The following PEAK1 variants were observed in gnomAD, a reference collection of about 807,000 sequenced individuals.
The protein encoded by PEAK1 is inactive tyrosine-protein kinase PEAK1.
A neutral mutation model predicts 124.7 loss-of-function variants in PEAK1; 54 were observed. The observed-to-expected ratio is 0.43, with a 90% CI of 0.35 to 0.54. The LOEUF (loss-of-function observed/expected upper bound fraction) is 0.54. PEAK1 is among the 20% of genes least tolerant of loss of function. The pLI is 0.01. For synonymous variants in PEAK1, 719 were observed against 760.0 expected, an observed-to-expected ratio of 0.95 and a Z score of 0.89; for missense variants, 2,046 against 2,134.5, an observed-to-expected ratio of 0.96 and a Z score of 0.82.
At chr15:77,236,955 T>G (rs969558624) in intron 6 of PEAK1, among the ~76,000 whole-genome samples, 1 of 152,200 alleles carries the variant, frequency 6.6e-6, no homozygotes, top group Non-Finnish European at 1.5e-5. Flanking sequence ...CCTTCTGCCA[T>G]AATTGTTAAG....
At chr15:77,132,909 A>C in intron 9 of PEAK1, 96 bp downstream of exon 9, 2 of 1,262,778 alleles carry the variant, frequency 1.6e-6, no homozygotes, top group Middle Eastern at 2.3e-4. Context: ...TGCTGAATGG[A>C]AGAATGAAGG....
rs573842966 is a variant in PEAK1 at position 77,367,274 on chromosome 15, G to A, written c.-665-2049C>T. The stretch of plus-strand genomic sequence containing the variant: ...TAAAGGGCATACATAGGAACTCTCT[G>A]TACTGTCTACTCAATTTTTTCATGT... On this transcript the variant is annotated intron_variant, in intron 1 of 9. Coordinates refer to ENST00000682557, the MANE Select transcript of PEAK1 (RefSeq NM_001385026.1). Among the ~76,000 whole-genome samples the A allele has an allele frequency of 6.6e-5, 10 of 152,270 alleles. No individual in the cohort carries two copies. The South Asian group carries it at 1.5e-3, about 22-fold the overall frequency.
rs140428411 is a variant in PEAK1, at chr15:77,128,878, C to T, written c.4077+4127G>A. Reference sequence around the variant, plus strand: ...AGAGTTGATGCTGTCATAAATAAGACTTTTGGAGCTGTTGGAATGTGTTTT... The same window carrying T: ...AGAGTTGATGCTGTCATAAATAAGATTTTTGGAGCTGTTGGAATGTGTTTT... On this transcript the variant is annotated intron_variant, in intron 9 of 9. Transcript: ENST00000682557. 4.7e-3 allele frequency among the ~76,000 whole-genome samples: 713 copies of T among 152,238 alleles called. 4 individuals are homozygous for T. The highest frequency in any genetic ancestry group is 0.016 in the African/African-American group (661 of 41,542).
chr15:77,324,323 T>G (rs1464602517), intron 2 of PEAK1, among the ~76,000 whole-genome samples: 1 of 151,702 alleles, frequency 6.6e-6, no homozygotes, highest in Non-Finnish European at 1.5e-5. Context: ...CTACTAAAAA[T>G]ACAAAAAATT....
Position 77,114,678 on chromosome 15 carries a change from G to A in PEAK1, c.4719C>T (p.Asp1573=), listed in dbSNP as rs747708142. 22 of 1,613,676 alleles carry A rather than the reference G, an allele frequency of 1.4e-5. No individual in the cohort carries two copies. The highest frequency in any genetic ancestry group is 1.9e-5 in the Non-Finnish European group (22 of 1,179,976). ...SHLVDPEILR[D]QSRLAPEIIT... ...TGATCTCTGGGGCAAGGCGAGACTG[G>A]TCCCGGAGGATCTCGGGGTCCACCA... Residue 1573 remains aspartate, a synonymous_variant, in exon 10 of 10, where the codon GAC becomes GAT. Transcript: ENST00000682557.
intron 8 of PEAK1, among the ~76,000 whole-genome samples, chr15:77,146,188 G>A (rs1414317978): frequency 6.6e-6 from 1 of 152,106 alleles, no homozygotes; most frequent in Non-Finnish European, 1.5e-5. Flanking sequence ...TGAACCTAGC[G>A]CTCAGTGCAT....
chr15:77,202,539 G>A (rs1207768808), intron 6 of PEAK1, among the ~76,000 whole-genome samples: 1 of 152,044 alleles, frequency 6.6e-6, no homozygotes, highest in Middle Eastern at 3.2e-3. Flanking sequence ...ATCCGAGGTG[G>A]GCGGATCACG....
chr15:77,246,280 T>C (rs1596845779), intron 6 of PEAK1, among the ~76,000 whole-genome samples: 1 of 152,310 alleles, frequency 6.6e-6, no homozygotes, highest in East Asian at 1.9e-4. Context: ...GTGCTGGGAT[T>C]ACAGGCGTGA....
intron 6 of PEAK1, among the ~76,000 whole-genome samples, chr15:77,228,946 T>G (rs990724231): frequency 6.6e-6 from 1 of 152,118 alleles, no homozygotes; most frequent in African/African-American, 2.4e-5. Flanking sequence ...AGTTCTGCCA[T>G]AGGGGACTCT....
At chr15:77,385,036 T>C (rs938789776) in intron 1 of PEAK1, among the ~76,000 whole-genome samples, 41 of 152,324 alleles carry the variant, frequency 2.7e-4, no homozygotes, top group African/African-American at 9.6e-4. Flanking sequence ...AACTTTTTAA[T>C]ATTTATACTA....
rs545228242 is a variant in PEAK1 at position 77,254,457 on chromosome 15, G to A, written c.-274-1931C>T. ...ATTTTGTTTGTTTGTTTAAAAGGCA[G>A]GGTCTCACTCTGTCATCCAGGCTGG... On this transcript the variant is annotated intron_variant, in intron 5 of 9. Transcript: ENST00000682557. 1.2e-4 allele frequency among the ~76,000 whole-genome samples: 18 copies of A among 152,158 alleles called. No individual in the cohort carries two copies. In the South Asian group the frequency reaches 1.2e-3, roughly 11 times the overall value.
At position 77,348,156 on chromosome 15, in the gene PEAK1, A is replaced by G. The variant is rs1002039101; in HGVS notation, c.-603+17007T>C. 4.2e-5 allele frequency: 41 copies of G among 975,426 alleles called. No homozygotes were observed. The African/African-American group carries it at 6.7e-4, about 16-fold the overall frequency. The allele number at this position is 975,426 out of a possible 1,614,324, so 60.4% of individuals were successfully genotyped here. Reference sequence around the variant, plus strand: ...CTTGCTCTACATGAGGTATATGGCAATGTGTCTTCACTTAAGCCACATGCT... The same window carrying G: ...CTTGCTCTACATGAGGTATATGGCAGTGTGTCTTCACTTAAGCCACATGCT... On this transcript the variant is annotated intron_variant, in intron 2 of 9. Transcript: ENST00000682557.
intron 8 of PEAK1, chr15:77,158,061 T>C (rs766776737): frequency 2.8e-4 from 44 of 158,470 alleles, no homozygotes; most frequent in Non-Finnish European, 5.0e-4. Context: ...CTCCATGATT[T>C]TGCTCATATT....
intron 7 of PEAK1, among the ~76,000 whole-genome samples, chr15:77,168,911 T>C (rs1356810187): frequency 6.6e-6 from 1 of 152,184 alleles, no homozygotes; most frequent in African/African-American, 2.4e-5. Flanking sequence ...CAGATGTACA[T>C]GCCGGGGGTC....
At position 77,181,967 on chromosome 15, in the gene PEAK1, T is replaced by C; in HGVS notation, c.-41A>G. ...TTCACAGACAATGCTTTTCTTTCAG[T>C]GCATGACAAAACTTTCATCTGTTAG... On this transcript the variant is annotated 5_prime_UTR_variant, in exon 7 of 10. Coordinates refer to ENST00000682557, the MANE Select transcript of PEAK1 (RefSeq NM_001385026.1). The C allele has an allele frequency of 2.6e-6, 4 of 1,516,066 alleles. No homozygotes were observed. The highest frequency in any genetic ancestry group is 2.2e-5 in the Admixed American group (1 of 44,626). 93.9% of individuals were successfully genotyped at this position (1,516,066 alleles called of 1,614,324 possible).
At chr15:77,292,043 T>C (rs1336997162) in intron 2 of PEAK1, among the ~76,000 whole-genome samples, 2 of 152,000 alleles carry the variant, frequency 1.3e-5, no homozygotes, top group Non-Finnish European at 2.9e-5. Context: ...TTAGGACTAA[T>C]GCTTACACTG....
intron 8 of PEAK1, among the ~76,000 whole-genome samples, chr15:77,136,121 G>C (rs1156365281): frequency 1.3e-5 from 2 of 152,172 alleles, no homozygotes; most frequent in African/African-American, 2.4e-5. Flanking sequence ...TGAACAATAA[G>C]GTCCAGGCTG....
At chr15:77,213,008 C>A (rs1442697725) in intron 6 of PEAK1, among the ~76,000 whole-genome samples, 2 of 151,660 alleles carry the variant, frequency 1.3e-5, no homozygotes, top group African/African-American at 4.8e-5. Flanking sequence ...AGCTTGAAAT[C>A]TGAAAAAAAA....
At chr15:77,264,098 C>A (rs1165857930) in intron 5 of PEAK1, among the ~76,000 whole-genome samples, 1 of 151,870 alleles carries the variant, frequency 6.6e-6, no homozygotes, top group Non-Finnish European at 1.5e-5. Context: ...ATTGATGGGA[C>A]GTATCTCAAA....
Sources: allele counts gnomAD v4.1 joint callset (sites outside exome capture counted in the v4.1 genomes callset), GRCh38; gene constraint gnomAD v4.1.1; transcripts MANE v1.5; gene names NCBI Gene and HGNC (gene_info 2026-07-23, HGNC 2026-07-21).